The following GPC3 variants were observed in gnomAD, a reference collection of about 807,000 sequenced individuals.
The protein encoded by GPC3 is glypican 3, also known as glypican-3.
GPC3 carries 3 observed loss-of-function variants against 34.4 expected under a neutral mutation model. That is an observed-to-expected ratio of 0.09 (90% CI 0.04 to 0.23). The LOEUF is 0.23. Among genes scored for constraint, GPC3 ranks in the 10% least tolerant of loss-of-function variants. The pLI is 1.00. For missense variants in GPC3, 351 were observed against 445.6 expected (o/e 0.79, Z 1.91); for synonymous variants, 177 against 174.0 (o/e 1.02, Z -0.13).
intron 6 of GPC3, among the ~76,000 whole-genome samples, chrX:133,637,325 G>C (rs896668202): frequency 9.1e-6 from 1 of 110,294 alleles, no homozygotes; most frequent in Non-Finnish European, 1.9e-5. Flanking sequence ...AAAATTAGCC[G>C]GAAATCGCTT....
At chrX:133,821,602 G>A (rs769276201) in intron 2 of GPC3, among the ~76,000 whole-genome samples, 5 of 111,720 alleles carry the variant, frequency 4.5e-5, no homozygotes, top group East Asian at 5.6e-4. Flanking sequence ...GGTGAGTAAC[G>A]TCTGACTGGG....
chrX:133,721,107 A>AC (rs2071361474), intron 3 of GPC3, among the ~76,000 whole-genome samples: 1 of 100,639 alleles, frequency 9.9e-6, no homozygotes, highest in Non-Finnish European at 1.9e-5. Flanking sequence ...TTAAGAAACT[A>AC]GAAAAAAAAA....
intron 3 of GPC3, among the ~76,000 whole-genome samples, chrX:133,734,385 C>A (rs1437729185): frequency 1.8e-5 from 2 of 111,198 alleles, no homozygotes; most frequent in African/African-American, 6.5e-5. Context: ...TACAAAGGAA[C>A]TTCCTCAACT....
At chrX:133,761,151 GA>G (rs2071786245) in intron 2 of GPC3, among the ~76,000 whole-genome samples, 1 of 110,696 alleles carries the variant, frequency 9.0e-6, no homozygotes. Flanking sequence ...AATTTTAATT[GA>G]AAAAAACCAC....
chrX:133,828,463 C>T (rs886933860), intron 2 of GPC3, among the ~76,000 whole-genome samples: 7 of 111,422 alleles, frequency 6.3e-5, no homozygotes, highest in Middle Eastern at 4.6e-3. Context: ...TGGCCTGAAA[C>T]GATCTTTTTA....
At chrX:133,757,455 T>A (rs958032598) in intron 2 of GPC3, among the ~76,000 whole-genome samples, 1 of 111,892 alleles carries the variant, frequency 8.9e-6, no homozygotes, top group African/African-American at 3.3e-5. Context: ...CCAGGACATA[T>A]AACCTATCAC....
intron 6 of GPC3, among the ~76,000 whole-genome samples, chrX:133,613,397 G>A (rs1242981323): frequency 8.9e-6 from 1 of 111,845 alleles, no homozygotes; most frequent in Non-Finnish European, 1.9e-5. Flanking sequence ...AAACAACATA[G>A]TGGAATTATG....
chrX:133,552,339 A>C (rs1210936066), intron 7 of GPC3, among the ~76,000 whole-genome samples: 1 of 112,226 alleles, frequency 8.9e-6, no homozygotes, highest in Admixed American at 9.5e-5. Context: ...ACTGGAGAGA[A>C]ATCTAAAGAG....
intron 2 of GPC3, among the ~76,000 whole-genome samples, chrX:133,927,877 T>TTATATA (rs969946509): frequency 2.8e-5 from 3 of 106,602 alleles, no homozygotes; most frequent in African/African-American, 1.0e-4. Context: ...TATATATATA[T>TTATATA]TATATATATA....
chrX:133,886,400 C>T (rs748323068), intron 2 of GPC3, among the ~76,000 whole-genome samples: 62 of 109,225 alleles, frequency 5.7e-4, no homozygotes, highest in African/African-American at 2.0e-3. Context: ...GTTGGTCTGA[C>T]ACGAGGTAGA....
intron 6 of GPC3, among the ~76,000 whole-genome samples, chrX:133,646,611 A>G (rs936281193): frequency 7.1e-5 from 8 of 112,418 alleles, no homozygotes; most frequent in African/African-American, 2.3e-4. Flanking sequence ...GTTTTGGCTC[A>G]GCTCTTCAGG....
At chrX:133,897,786 G>A (rs752824972) in intron 2 of GPC3, among the ~76,000 whole-genome samples, 13 of 111,322 alleles carry the variant, frequency 1.2e-4, no homozygotes, top group Non-Finnish European at 2.1e-4. Flanking sequence ...ATATATCTCC[G>A]GGTTGCTGTG....
At chrX:133,814,113 C>T (rs188806170) in intron 2 of GPC3, among the ~76,000 whole-genome samples, 5 of 111,487 alleles carry the variant, frequency 4.5e-5, no homozygotes, top group African/African-American at 1.6e-4. Context: ...GCTGTGCTTT[C>T]AGGGGACACT....
intron 6 of GPC3, among the ~76,000 whole-genome samples, chrX:133,632,822 T>A (rs1033831117): frequency 1.8e-5 from 2 of 111,745 alleles, no homozygotes; most frequent in Non-Finnish European, 3.8e-5. Flanking sequence ...AATAACCATA[T>A]TTTCAACTCA....
intron 7 of GPC3, among the ~76,000 whole-genome samples, chrX:133,582,631 T>G (rs188549475): frequency 0.011 from 1,227 of 111,719 alleles, 17 homozygotes; most frequent in African/African-American, 0.037. Flanking sequence ...TTTTATAGGG[T>G]TTTTTTTGGT....
intron 2 of GPC3, among the ~76,000 whole-genome samples, chrX:133,876,442 A>G (rs1238981585): frequency 8.9e-6 from 1 of 111,901 alleles, no homozygotes; most frequent in Non-Finnish European, 1.9e-5. Context: ...CTCAAATAAG[A>G]TAAAGTGTTA....
intron 2 of GPC3, among the ~76,000 whole-genome samples, chrX:133,920,274 G>T (rs1324706650): frequency 9.0e-6 from 1 of 111,612 alleles, no homozygotes; most frequent in Non-Finnish European, 1.9e-5. Context: ...TAGGAAAAAG[G>T]AGGTAGTGGC....
chrX:133,776,257 A>G (rs962418845), intron 2 of GPC3, among the ~76,000 whole-genome samples: 7 of 111,671 alleles, frequency 6.3e-5, no homozygotes, highest in Non-Finnish European at 1.1e-4. Context: ...TACACAGATT[A>G]TAGGGTATCA....
intron 7 of GPC3, among the ~76,000 whole-genome samples, chrX:133,540,915 G>GGTGTGT (rs369378252): frequency 1.1e-3 from 102 of 91,700 alleles, no homozygotes; most frequent in East Asian, 3.5e-3. Flanking sequence ...ACATTGTTGT[G>GGTGTGT]GTGTGTGTGT....
Sources: gnomAD v4.1 joint callset for allele counts (sites outside exome capture counted in the v4.1 genomes callset) on GRCh38, gnomAD v4.1.1 for gene constraint, MANE v1.5 for transcripts, NCBI Gene and HGNC (gene_info 2026-07-23, HGNC 2026-07-21) for gene names.